DPP6: variants seen among roughly 807,000 people sequenced by gnomAD.
DPP6 encodes dipeptidyl peptidase like 6.
DPP6 carries 69 observed loss-of-function variants against 122.6 expected under a neutral mutation model. The observed-to-expected ratio is 0.56, with a 90% CI of 0.46 to 0.69. DPP6 has a LOEUF of 0.69. DPP6 is among the 30% of genes least tolerant of loss of function. The pLI, the probability that DPP6 is intolerant of heterozygous loss-of-function variation, is 0.00. For missense variants in DPP6, 928 were observed against 1,116.9 expected (o/e 0.83, Z 2.41); for synonymous variants, 418 against 433.1 (o/e 0.97, Z 0.43).
intron 12 of DPP6, among the ~76,000 whole-genome samples, chr7:154,799,612 T>C (rs1798236142): frequency 6.6e-6 from 1 of 152,180 alleles, no homozygotes; most frequent in South Asian, 2.1e-4. Flanking sequence ...AAAATTATTA[T>C]ATCTGAACCA....
chr7:153,818,829 G>A, the DPP6 span, among the ~76,000 whole-genome samples: 3 of 151,912 alleles, frequency 2.0e-5, no homozygotes, highest in African/African-American at 7.3e-5. Context: ...CCAGCTCACT[G>A]CAACCTCTGC....
At chr7:153,835,113 A>T in the DPP6 span, among the ~76,000 whole-genome samples, 2 of 152,244 alleles carry the variant, frequency 1.3e-5, no homozygotes, top group Non-Finnish European at 2.9e-5. Context: ...CCAGAGGGGA[A>T]CTAATGGAAG....
intron 8 of DPP6, among the ~76,000 whole-genome samples, chr7:154,762,030 G>A (rs1322005456): frequency 6.6e-6 from 1 of 152,134 alleles, no homozygotes; most frequent in Non-Finnish European, 1.5e-5. Context: ...CTCATGAGAA[G>A]CCGCTCACTA....
chr7:154,546,960 C>T (rs1364769147), intron 4 of DPP6, among the ~76,000 whole-genome samples: 5 of 152,258 alleles, frequency 3.3e-5, no homozygotes, highest in South Asian at 2.1e-4. Flanking sequence ...CTAGTCCTCT[C>T]AGCCCTGAAA....
intron 6 of DPP6, among the ~76,000 whole-genome samples, chr7:154,652,670 G>A (rs770014045): frequency 2.6e-5 from 4 of 152,018 alleles, no homozygotes; most frequent in Admixed American, 2.0e-4. Flanking sequence ...CCTGCTGTTC[G>A]TTCTGAGCAC....
chr7:153,783,198 GAAGA>G, the DPP6 span, among the ~76,000 whole-genome samples: 3 of 152,128 alleles, frequency 2.0e-5, no homozygotes, highest in African/African-American at 7.2e-5. Context: ...ACGCTGCTAT[GAAGA>G]AATACCCGAA....
At position 154,755,441 on chromosome 7, in the gene DPP6, A is replaced by G. The variant is rs1843615282; in HGVS notation, c.884-13976A>G. 6.6e-6 allele frequency among the ~76,000 whole-genome samples: 1 copy of G among 151,812 alleles called. No individual in the cohort carries two copies. Among genetic ancestry groups the G allele is most frequent in the Non-Finnish European group, 1.5e-5 (1 of 67,990 alleles). Reference sequence around the variant, plus strand: ...ATTTCCCATGGGTTATCTCTCACTTACTAGCTGTGTGAGCTTCGGCACATT... The same window carrying G: ...ATTTCCCATGGGTTATCTCTCACTTGCTAGCTGTGTGAGCTTCGGCACATT... On this transcript the variant is annotated intron_variant, in intron 8 of 25. Transcript: ENST00000377770. The surrounding 1 kb of genome is among the most constrained non-coding windows in gnomAD (Gnocchi z 4.7).
intron 1 of DPP6, among the ~76,000 whole-genome samples, chr7:154,018,479 C>T (rs181288141): frequency 7.2e-5 from 11 of 152,272 alleles, no homozygotes; most frequent in East Asian, 1.9e-4. Flanking sequence ...GAGTTGAAGA[C>T]GACTCTTTGT....
chr7:154,027,940 G>C (rs1799027773), intron 1 of DPP6, among the ~76,000 whole-genome samples: 1 of 150,298 alleles, frequency 6.7e-6, no homozygotes, highest in Non-Finnish European at 1.5e-5. Flanking sequence ...AACATGGGTG[G>C]CTGCCTGCCT....
chr7:154,775,592 C>T lies in DPP6; in HGVS notation c.1136+2650C>T, dbSNP rs147597939. On this transcript the variant is annotated intron_variant, in intron 10 of 25. Coordinates refer to ENST00000377770, the MANE Select transcript of DPP6 (RefSeq NM_130797.4). ...GAACCAGTGAGCTCTTAAAAAGAGG[C>T]CATAGAACCATCGAGAAGCTAGTTG... Among the ~76,000 whole-genome samples the T allele has an allele frequency of 2.6e-3, 403 of 152,198 alleles. 1 individual carries two copies. The highest frequency in any genetic ancestry group is 8.9e-3 in the African/African-American group (369 of 41,516).
chr7:154,024,158 C>A (rs1798857714), intron 1 of DPP6, among the ~76,000 whole-genome samples: 1 of 152,156 alleles, frequency 6.6e-6, no homozygotes, highest in African/African-American at 2.4e-5. Context: ...GGAGCAAATA[C>A]AGTATTTATC....
the DPP6 span, among the ~76,000 whole-genome samples, chr7:153,827,732 G>T: frequency 1.3e-5 from 2 of 152,220 alleles, no homozygotes; most frequent in South Asian, 4.1e-4. Context: ...GCTTTGCCAG[G>T]CTGCAATGTG....
intron 13 of DPP6, among the ~76,000 whole-genome samples, chr7:154,802,971 C>A (rs1036064392): frequency 6.6e-6 from 1 of 152,230 alleles, no homozygotes; most frequent in Non-Finnish European, 1.5e-5. Context: ...TCCTGCACTG[C>A]CCATGAGGCA....
At chr7:153,795,490 AT>A in the DPP6 span, among the ~76,000 whole-genome samples, 5 of 151,960 alleles carry the variant, frequency 3.3e-5, no homozygotes, top group Admixed American at 2.6e-4. Context: ...TGTCTTACCT[AT>A]TTTCTCTGCT....
In DPP6 at chr7:154,881,019, T is replaced by G. The variant is rs1192535597; in HGVS notation, c.2133+77T>G. ...CACCATTACCCACGTCTAATCCTGA[T>G]TTATTGAGAACGTCTGTGGTCTGCT... On this transcript the variant is annotated intron_variant, in intron 21 of 25. Coordinates refer to ENST00000377770, the MANE Select transcript of DPP6 (RefSeq NM_130797.4). 2.6e-6 allele frequency: 4 copies of G among 1,527,492 alleles called. No homozygotes were observed. The African/African-American group carries it at 5.5e-5, about 21-fold the overall frequency. 94.6% of individuals were successfully genotyped at this position (1,527,492 alleles called of 1,614,324 possible).
At chr7:154,497,414 C>T (rs1824841762) in intron 3 of DPP6, among the ~76,000 whole-genome samples, 1 of 152,022 alleles carries the variant, frequency 6.6e-6, no homozygotes, top group Admixed American at 6.6e-5. Context: ...TTGAAACCAG[C>T]CTGGCCAACA....
chr7:153,802,161 G>T, the DPP6 span, among the ~76,000 whole-genome samples: 1 of 152,122 alleles, frequency 6.6e-6, no homozygotes, highest in Admixed American at 6.6e-5. Flanking sequence ...TTCGGAGTGG[G>T]GCACACCTAA....
intron 1 of DPP6, among the ~76,000 whole-genome samples, chr7:154,251,088 T>G (rs1206834341): frequency 6.6e-6 from 1 of 152,224 alleles, no homozygotes; most frequent in African/African-American, 2.4e-5. Flanking sequence ...GAGAAAATGT[T>G]TATAAGAGTC....
At chr7:154,214,659 G>A (rs993237350) in intron 1 of DPP6, among the ~76,000 whole-genome samples, 30 of 152,322 alleles carry the variant, frequency 2.0e-4, no homozygotes, top group Admixed American at 2.0e-3. Flanking sequence ...GCTCACACCT[G>A]TAATTCCAAC....
Sources: allele counts gnomAD v4.1 joint callset (sites outside exome capture counted in the v4.1 genomes callset), GRCh38; gene constraint gnomAD v4.1.1; non-coding constraint Gnocchi (gnomAD v3.1); transcripts MANE v1.5; gene names NCBI Gene and HGNC (gene_info 2026-07-23, HGNC 2026-07-21).